MYG1: variants seen among roughly 807,000 people sequenced by gnomAD.
MYG1 encodes MYG1 exonuclease.
MYG1 carries 36 observed loss-of-function variants against 43.5 expected under a neutral mutation model. The observed-to-expected ratio is 0.83, with a 90% CI of 0.63 to 1.09. The LOEUF (loss-of-function observed/expected upper bound fraction) is 1.09. Among genes scored for constraint, MYG1 ranks in the 50% least tolerant of loss-of-function variants. The probability of loss-of-function intolerance (pLI) is 0.00; values close to 1 mark genes in which losing one functional copy is unlikely to be tolerated. For missense variants in MYG1, 529 were observed against 495.1 expected (o/e 1.07, Z -0.65); for synonymous variants, 220 against 202.8 (o/e 1.08, Z -0.72).
chr12:53,299,869 GC>G lies in MYG1; in HGVS notation c.136del (p.Arg46GlufsTer71), dbSNP rs1944210475. The stretch of plus-strand genomic sequence containing the variant: ...GATCCCGCAGCAAACTCATGGCACC[GC>G]CCCGAATCGGGACGCACAATGGCAC... Reference protein sequence around the residue: ...KRSRSKLMAPPRIGTHNGTFH... With the variant: ...KRSRSKLMAPXRIGTHNGTFH... On this transcript the variant is annotated frameshift_variant, in exon 1 of 7. Transcript: ENST00000267103. LOFTEE classifies it high-confidence loss of function. 3 of 1,614,180 alleles carry G rather than the reference GC, an allele frequency of 1.9e-6. No individual in the cohort carries two copies. Among genetic ancestry groups the G allele is most frequent in the Non-Finnish European group, 2.5e-6 (3 of 1,180,036 alleles).
chr12:53,300,003 G>A, intron 1 of MYG1, 50 bp downstream of exon 1: 1 of 1,603,054 alleles, frequency 6.2e-7, no homozygotes, highest in Non-Finnish European at 8.5e-7. Flanking sequence ...CATGCCTCCG[G>A]GGTGGATGGC....
intron 3 of MYG1, chr12:53,303,964 C>T (rs1481443699): frequency 1.3e-5 from 2 of 152,134 alleles, no homozygotes; most frequent in African/African-American, 2.4e-5. Flanking sequence ...CTGCCTCAGC[C>T]TCCCGAGTAG....
chr12:53,305,638 C>A (rs376897286), intron 3 of MYG1: 11 of 310,018 alleles, frequency 3.5e-5, no homozygotes, highest in East Asian at 2.0e-4. Flanking sequence ...TTAGCAGTCC[C>A]CTCCCTACAC....
rs750371967 is a variant in MYG1 at position 53,306,016 on chromosome 12, G to A, written c.598G>A (p.Ala200Thr). 3.1e-6 allele frequency: 5 copies of A among 1,614,098 alleles called. No homozygotes were observed. In the South Asian group the frequency reaches 5.5e-5, roughly 18 times the overall value. The change falls in exon 4 of 7, where the codon GCT (alanine) becomes ACT (threonine). Residue 200 changes from alanine (A) to threonine (T), a missense_variant. Ala to Thr is a moderately conservative substitution (Grantham distance 58, BLOSUM62 0). Transcript: ENST00000267103. ...ALTTTLSARV[A>T]RLNPTWNHPD... is the part of the protein sequence containing the mutation. ...GACCACTACCCTGAGTGCACGAGTT[G>A]CTCGACTTAATCCTACCTGGAACCA...
intron 2 of MYG1, 132 bp from the exon 3 acceptor site, chr12:53,302,901 TG>T: frequency 9.2e-7 from 1 of 1,082,232 alleles, no homozygotes. Flanking sequence ...GACAGTGTCT[TG>T]GTTTTTTATC....
In MYG1 at chr12:53,305,728, C is replaced by A. The variant is rs1944269579; in HGVS notation, c.490-180C>A. 60 of 684,514 alleles carry A rather than the reference C, an allele frequency of 8.8e-5. No individual in the cohort carries two copies. In the South Asian group the frequency reaches 1.3e-3, roughly 15 times the overall value. 42.4% of individuals were successfully genotyped at this position (684,514 alleles called of 1,614,324 possible). ...GGTGATCTGAATTCCAGTCACAGCA[C>A]AACGAGCTGTCTGAGCTTCAGCGAG... On this transcript the variant is annotated intron_variant, in intron 3 of 6. Transcript: ENST00000267103.
intron 2 of MYG1, among the ~76,000 whole-genome samples, chr12:53,302,547 T>C (rs1362030957): frequency 6.6e-6 from 1 of 152,194 alleles, no homozygotes; most frequent in Non-Finnish European, 1.5e-5. Flanking sequence ...AATCCCCCAA[T>C]GACTTCGATT....
chr12:53,306,871 T>C lies in MYG1; in HGVS notation c.947+10T>C. 6.2e-7 allele frequency: 1 copy of C among 1,611,482 alleles called. No individual in the cohort carries two copies. Among genetic ancestry groups the C allele is most frequent in the Middle Eastern group, 1.7e-4 (1 of 6,042 alleles). ...ACTCATTCCAAAGCCGGTGAGGCCC[T>C]AGGGAACCACTCTGCAGACCTTCAG... On this transcript the variant is annotated intron_variant, in intron 6 of 6. Coordinates refer to ENST00000267103, the MANE Select transcript of MYG1 (RefSeq NM_021640.4).
At chr12:53,304,452 A>C (rs1944254633) in intron 3 of MYG1, among the ~76,000 whole-genome samples, 4 of 151,144 alleles carry the variant, frequency 2.6e-5, no homozygotes, top group Admixed American at 2.6e-4. Context: ...CGCCTGGCTA[A>C]TTTTTTATTT....
intron 3 of MYG1, among the ~76,000 whole-genome samples, chr12:53,304,605 C>T (rs149724534): frequency 5.3e-5 from 8 of 151,936 alleles, no homozygotes; most frequent in African/African-American, 1.2e-4. Context: ...AAATTTAACC[C>T]GTATTTTTTT....
chr12:53,301,951 G>A (rs1210994530), intron 2 of MYG1, among the ~76,000 whole-genome samples: 3 of 151,864 alleles, frequency 2.0e-5, no homozygotes, highest in African/African-American at 7.3e-5. Context: ...TGCTAGGATT[G>A]CAGGTGTGAG....
chr12:53,300,144 T>G lies in MYG1; in HGVS notation c.217-6T>G, dbSNP rs779926961. The G allele has an allele frequency of 8.8e-6, 14 of 1,592,066 alleles. No individual in the cohort carries two copies. In the East Asian group the frequency reaches 2.5e-4, roughly 28 times the overall value. The stretch of plus-strand genomic sequence containing the variant: ...GGCAGCCCCTTCACCCCTGTGTACC[T>G]CGCAGGATGCAGAGATTGTGCGGAC... On this transcript the variant is annotated splice_region_variant and splice_polypyrimidine_tract_variant and intron_variant, in intron 1 of 6. Coordinates refer to ENST00000267103, the MANE Select transcript of MYG1 (RefSeq NM_021640.4).
chr12:53,304,899 C>G (rs1409392516), intron 3 of MYG1, among the ~76,000 whole-genome samples: 1 of 122,780 alleles, frequency 8.1e-6, no homozygotes, highest in African/African-American at 3.1e-5. Flanking sequence ...GACGGAGTCT[C>G]GCTCTGTCGC....
rs1181738447 is a variant in MYG1, at chr12:53,305,959, C to T, written c.541C>T (p.Gln181Ter). The T allele has an allele frequency of 6.2e-7, 1 of 1,613,650 alleles. No individual in the cohort carries two copies. Among genetic ancestry groups the T allele is most frequent in the Non-Finnish European group, 8.5e-7 (1 of 1,179,874 alleles). The stretch of plus-strand genomic sequence containing the variant: ...GGATGCTGTGGACAATGGGATCTCC[C>T]AGTGGGCAGAGGGGGAGCCTCGATA... Reference protein sequence around the residue: ...EVDAVDNGISQWAEGEPRYAL... With the variant: ...EVDAVDNGIS Residue 181 changes from glutamine (Q) to a stop codon, truncating the protein, a stop_gained, in exon 4 of 7, where the codon CAG becomes TAG. Transcript: ENST00000267103. LOFTEE classifies it high-confidence loss of function.
chr12:53,299,767 A>G lies in MYG1; in HGVS notation c.30A>G (p.Leu10=). The part of the protein sequence containing the change: MGHQFLRGL[L]TLLLPPPPLY... ...GACACCAATTCCTGCGCGGCCTCTT[A>G]ACGCTGCTGCTGCCGCCGCCACCCC... Residue 10 remains leucine, a synonymous_variant, in exon 1 of 7, where the codon TTA becomes TTG. Coordinates refer to ENST00000267103, the MANE Select transcript of MYG1 (RefSeq NM_021640.4). 6.2e-7 allele frequency: 1 copy of G among 1,613,818 alleles called. No individual in the cohort carries two copies. Among genetic ancestry groups the G allele is most frequent in the Non-Finnish European group, 8.5e-7 (1 of 1,179,920 alleles).
Position 53,300,214 on chromosome 12 carries a change from T to TG in MYG1, c.287dup (p.Glu97ArgfsTer10), listed in dbSNP as rs1318518012. On this transcript the variant is annotated frameshift_variant, in exon 2 of 7. Transcript: ENST00000267103. LOFTEE classifies it high-confidence loss of function. Reference sequence around the variant, plus strand: ...GCTTCCTGTGACATCGTGGTGGACGTGGGGGGCGAGTACGACCCTCGGAGA... The same window carrying TG: ...GCTTCCTGTGACATCGTGGTGGACGTGGGGGGGCGAGTACGACCCTCGGAGA... 3 of 1,605,360 alleles carry TG rather than the reference T, an allele frequency of 1.9e-6. No homozygotes were observed. The highest frequency in any genetic ancestry group is 2.6e-6 in the Non-Finnish European group (3 of 1,175,576).
chr12:53,300,334 A>G, intron 2 of MYG1, 72 bp downstream of exon 2: 2 of 1,154,796 alleles, frequency 1.7e-6, no homozygotes, highest in East Asian at 2.6e-5. Flanking sequence ...TCAGCCATCC[A>G]CTGCCGTAGT....
intron 2 of MYG1, 67 bp downstream of exon 2, chr12:53,300,329 C>A: frequency 1.7e-6 from 2 of 1,202,654 alleles, no homozygotes; most frequent in South Asian, 3.1e-5. Context: ...CCAATTCAGC[C>A]ATCCACTGCC....
chr12:53,299,957 C>A lies in MYG1; in HGVS notation c.216+4C>A. ...TCGCCTCCTGCCGGAGTACCGGGTA[C>A]GGTCCGCGAAAAGTGACCCTGGGAC... is the stretch of plus-strand genomic sequence containing the variant. On this transcript the variant is annotated splice_donor_region_variant and intron_variant, in intron 1 of 6. Coordinates refer to ENST00000267103, the MANE Select transcript of MYG1 (RefSeq NM_021640.4). The A allele has an allele frequency of 1.9e-6, 3 of 1,614,090 alleles. No individual in the cohort carries two copies. Among genetic ancestry groups the A allele is most frequent in the South Asian group, 2.2e-5 (2 of 91,074 alleles).
Sources: gnomAD v4.1 joint callset for allele counts (sites outside exome capture counted in the v4.1 genomes callset) on GRCh38, gnomAD v4.1.1 for gene constraint, MANE v1.5 for transcripts, NCBI Gene and HGNC (gene_info 2026-07-23, HGNC 2026-07-21) for gene names.